TMEM255A: variants seen among roughly 807,000 people sequenced by gnomAD.
The protein encoded by TMEM255A is transmembrane protein 255A, also known as family with sequence similarity 70, member A.
Under a neutral mutation model 23.5 loss-of-function variants are expected in TMEM255A, and 14 were observed. The observed-to-expected ratio is 0.60, with a 90% CI of 0.39 to 0.93. The LOEUF is 0.93. Among genes scored for constraint, TMEM255A ranks in the 40% least tolerant of loss-of-function variants. TMEM255A has a pLI of 0.00. For missense variants in TMEM255A, 233 were observed against 261.7 expected (o/e 0.89, Z 0.76); for synonymous variants, 104 against 100.3 (o/e 1.04, Z -0.22).
intron 3 of TMEM255A, among the ~76,000 whole-genome samples, chrX:120,292,557 A>G (rs782467384): frequency 9.0e-6 from 1 of 110,900 alleles, no homozygotes; most frequent in African/African-American, 3.3e-5. Context: ...TCAGGAGCTC[A>G]AGACCAGCCT....
chrX:120,282,158 A>C (rs1247488199), intron 6 of TMEM255A, among the ~76,000 whole-genome samples: 1 of 111,783 alleles, frequency 8.9e-6, no homozygotes, highest in Non-Finnish European at 1.9e-5. Context: ...AGCTATATTT[A>C]GGCCTTGAGT....
At chrX:120,278,064 T>TCTC (rs200609269) in intron 6 of TMEM255A, among the ~76,000 whole-genome samples, 4 of 109,147 alleles carry the variant, frequency 3.7e-5, no homozygotes, top group Non-Finnish European at 5.7e-5. Context: ...AAGATCTCGC[T>TCTC]CTCCTCCTCC....
intron 5 of TMEM255A, chrX:120,286,122 T>C (rs782722302): frequency 1.5e-4 from 41 of 267,203 alleles, no homozygotes; most frequent in Non-Finnish European, 2.2e-4. Flanking sequence ...TTTATGGTTG[T>C]TAAAAGAAAA....
At chrX:120,265,964 G>A in intron 8 of TMEM255A, among the ~76,000 whole-genome samples, 2 of 82,769 alleles carry the variant, frequency 2.4e-5, no homozygotes, top group African/African-American at 4.8e-5. Flanking sequence ...CCAACATGGT[G>A]AAACCCTGTC....
chrX:120,281,264 T>C (rs1446974698), intron 6 of TMEM255A, among the ~76,000 whole-genome samples: 3 of 112,195 alleles, frequency 2.7e-5, no homozygotes, highest in African/African-American at 9.7e-5. Flanking sequence ...CAAAGACTAA[T>C]CACTGTATTG....
chrX:120,289,521 T>C (rs72607681), intron 4 of TMEM255A, among the ~76,000 whole-genome samples: 9,370 of 111,647 alleles, frequency 0.084, 300 homozygotes, highest in East Asian at 0.13. Flanking sequence ...CAGATAATAA[T>C]GAGAGTTGAT....
chrX:120,298,937 A>G (rs559108695), intron 2 of TMEM255A, among the ~76,000 whole-genome samples: 1 of 110,451 alleles, frequency 9.1e-6, no homozygotes, highest in Admixed American at 9.7e-5. Flanking sequence ...ATGAGGAAAA[A>G]ATGTTATGAC....
chrX:120,297,047 A>T (rs6645646), intron 2 of TMEM255A, among the ~76,000 whole-genome samples: 1 of 6,758 alleles, frequency 1.5e-4, no homozygotes, highest in Non-Finnish European at 1.9e-4. Context: ...ATAATATATA[A>T]TATAATATAT....
intron 7 of TMEM255A, among the ~76,000 whole-genome samples, chrX:120,268,842 T>C (rs782329545): frequency 6.4e-4 from 72 of 112,206 alleles, no homozygotes; most frequent in Non-Finnish European, 1.2e-3. Context: ...TTGAAATCAT[T>C]TGTGTGATTT....
intron 2 of TMEM255A, among the ~76,000 whole-genome samples, chrX:120,300,039 T>C (rs966832762): frequency 8.9e-6 from 1 of 112,025 alleles, no homozygotes; most frequent in Admixed American, 9.4e-5. Context: ...CTCAGGCTAG[T>C]ATGCGCCCTA....
At chrX:120,306,218 G>A (rs1190810533) in intron 1 of TMEM255A, among the ~76,000 whole-genome samples, 4 of 111,017 alleles carry the variant, frequency 3.6e-5, no homozygotes, top group Non-Finnish European at 7.6e-5. Flanking sequence ...TATTAGGGAT[G>A]CAAATGGGAG....
intron 8 of TMEM255A, 86 bp downstream of exon 8, chrX:120,268,158 G>C: frequency 9.9e-7 from 1 of 1,010,967 alleles, no homozygotes; most frequent in Middle Eastern, 3.0e-4. Context: ...CAATGGAAAG[G>C]TTCCATAATT....
At chrX:120,266,925 G>A (rs781892469) in intron 8 of TMEM255A, among the ~76,000 whole-genome samples, 38 of 112,142 alleles carry the variant, frequency 3.4e-4, no homozygotes, top group South Asian at 1.5e-3. Flanking sequence ...GCTTTAGAAC[G>A]AATTTTATCA....
chrX:120,285,923 C>A, intron 5 of TMEM255A: 1 of 1,172,900 alleles, frequency 8.5e-7, no homozygotes, highest in Non-Finnish European at 1.1e-6. Context: ...AGCTCTCTCC[C>A]CCATCCAGAT....
intron 4 of TMEM255A, among the ~76,000 whole-genome samples, chrX:120,287,801 A>G (rs1467332519): frequency 6.3e-5 from 7 of 111,945 alleles, no homozygotes; most frequent in Middle Eastern, 4.2e-3. Flanking sequence ...ACCCAACTGC[A>G]TAGATTAGAT....
chrX:120,255,219 G>A (rs781875913), downstream of TMEM255A: 3 of 1,211,562 alleles, frequency 2.5e-6, no homozygotes, highest in Admixed American at 4.3e-5. Context: ...ATATCTTTCC[G>A]ATAGATCAAG....
At position 120,311,370 on chromosome X, in the gene TMEM255A, C is replaced by A. The variant is rs1036243558; in HGVS notation, c.-61G>T. 1.8e-5 allele frequency: 18 copies of A among 1,000,864 alleles called. No homozygotes were observed. In the South Asian group the frequency reaches 3.5e-4, roughly 19 times the overall value. The allele number at this position is 1,000,864 out of a possible 1,213,427, so 82.5% of individuals were successfully genotyped here. ...TGCTTCAAGCGCCCCCGGCTCTGGG[C>A]GCCCCGCAGAGCATCCTACTCCGCG... On this transcript the variant is annotated 5_prime_UTR_variant, in exon 1 of 9. Transcript: ENST00000371369.
At chrX:120,309,676 GTCTC>G (rs782163897) in intron 1 of TMEM255A, among the ~76,000 whole-genome samples, 4 of 110,547 alleles carry the variant, frequency 3.6e-5, no homozygotes, top group African/African-American at 6.5e-5. Flanking sequence ...CCACCTCTCT[GTCTC>G]TCTCTCTCTC....
chrX:120,296,832 G>A (rs1444667739), intron 2 of TMEM255A, among the ~76,000 whole-genome samples: 1 of 1,525 alleles, frequency 6.6e-4, no homozygotes, highest in African/African-American at 1.8e-3. Context: ...TAATATATAT[G>A]ATATATAATA....
Sources: allele counts gnomAD v4.1 joint callset (sites outside exome capture counted in the v4.1 genomes callset), GRCh38; gene constraint gnomAD v4.1.1; transcripts MANE v1.5; gene names NCBI Gene and HGNC (gene_info 2026-07-23, HGNC 2026-07-21).